The following EPG5 variants were observed in gnomAD, a reference collection of about 807,000 sequenced individuals.
The protein encoded by EPG5 is ectopic P-granules 5 autophagy tethering factor, also known as ectopic P granules protein 5 homolog.
A neutral mutation model predicts 302.7 loss-of-function variants in EPG5; 159 were observed. The ratio of observed to expected loss-of-function variants is 0.53; its 90% CI spans 0.46 to 0.60. The LOEUF is 0.60. Ranked by LOEUF, EPG5 falls within the 20% of genes least tolerant of loss-of-function variation. The pLI is 0.00. For missense variants in EPG5, 2,896 were observed against 3,092.4 expected, an observed-to-expected ratio of 0.94 and a Z score of 1.51; for synonymous variants, 1,158 against 1,136.8, an observed-to-expected ratio of 1.02 and a Z score of -0.37.
the EPG5 span, among the ~76,000 whole-genome samples, chr18:45,836,061 G>A: frequency 1.3e-5 from 2 of 152,230 alleles, no homozygotes; most frequent in African/African-American, 4.8e-5. Context: ...CCCGACCTGT[G>A]ATTATTCATA....
the EPG5 span, among the ~76,000 whole-genome samples, chr18:45,813,294 A>C: frequency 6.6e-6 from 1 of 152,210 alleles, no homozygotes; most frequent in Non-Finnish European, 1.5e-5. Flanking sequence ...GTGGAGAAAT[A>C]GGAACACTTT....
chr18:45,885,200 G>T (rs920508959), intron 29 of EPG5, among the ~76,000 whole-genome samples: 1 of 152,054 alleles, frequency 6.6e-6, no homozygotes, highest in African/African-American at 2.4e-5. Context: ...TTAGCTGGGC[G>T]TGGTGGTGGG....
downstream of EPG5, among the ~76,000 whole-genome samples, chr18:45,845,934 G>T (rs1249949634): frequency 1.3e-5 from 2 of 152,210 alleles, no homozygotes; most frequent in African/African-American, 4.8e-5. Flanking sequence ...CCACCCAGGG[G>T]ATAATCTATG....
the EPG5 span, among the ~76,000 whole-genome samples, chr18:45,829,452 T>C: frequency 6.6e-6 from 1 of 152,124 alleles, no homozygotes; most frequent in East Asian, 1.9e-4. Context: ...CAGAGAAAGA[T>C]TTGCAGGGAG....
At chr18:45,852,758 G>A (rs1009401405) in intron 43 of EPG5, 109 bp from the exon 44 acceptor site, 1 of 991,986 alleles carries the variant, frequency 1.0e-6, no homozygotes. Context: ...GAGCCTTGTG[G>A]GAAGGAGGCC....
At chr18:45,814,030 T>C in the EPG5 span, among the ~76,000 whole-genome samples, 3 of 152,190 alleles carry the variant, frequency 2.0e-5, no homozygotes, top group African/African-American at 4.8e-5. Flanking sequence ...GTTATCTACA[T>C]ATTCTCTGAG....
chr18:45,902,836 T>C (rs1026216413), intron 25 of EPG5, among the ~76,000 whole-genome samples: 3 of 152,232 alleles, frequency 2.0e-5, no homozygotes, highest in African/African-American at 7.2e-5. Context: ...TAACCAGCTA[T>C]GTGGCCCATG....
chr18:45,918,119 G>A (rs888347975), intron 16 of EPG5, among the ~76,000 whole-genome samples: 11 of 152,144 alleles, frequency 7.2e-5, no homozygotes, highest in African/African-American at 2.7e-4. Context: ...AATCCAGAGT[G>A]CTCTCTACTA....
chr18:45,917,151 A>G (rs73436049), intron 17 of EPG5, among the ~76,000 whole-genome samples: 50 of 152,234 alleles, frequency 3.3e-4, no homozygotes, highest in African/African-American at 1.1e-3. Flanking sequence ...TCATGTCCCC[A>G]CTGTACAGGG....
intron 3 of EPG5, 64 bp from the exon 4 acceptor site, chr18:45,951,302 C>A: frequency 8.2e-7 from 1 of 1,225,976 alleles, no homozygotes; most frequent in South Asian, 2.7e-5. Flanking sequence ...TTTTTAGTGT[C>A]TTCACTTAAA....
At chr18:45,941,442 G>A (rs1194165639) in intron 9 of EPG5, among the ~76,000 whole-genome samples, 1 of 152,178 alleles carries the variant, frequency 6.6e-6, no homozygotes, top group Non-Finnish European at 1.5e-5. Flanking sequence ...AGTGAGGATG[G>A]AGGAATAAAA....
chr18:45,817,966 C>T, the EPG5 span, among the ~76,000 whole-genome samples: 2 of 152,168 alleles, frequency 1.3e-5, no homozygotes, highest in African/African-American at 2.4e-5. Flanking sequence ...TTCATTGTTT[C>T]TTCTGAGTCT....
At chr18:45,929,720 G>A (rs1304675100) in intron 12 of EPG5, among the ~76,000 whole-genome samples, 1 of 152,178 alleles carries the variant, frequency 6.6e-6, no homozygotes, top group Non-Finnish European at 1.5e-5. Context: ...CTTAATGTCT[G>A]TGAAAATATG....
At chr18:45,900,675 A>T (rs2049593725) in intron 26 of EPG5, among the ~76,000 whole-genome samples, 1 of 152,216 alleles carries the variant, frequency 6.6e-6, no homozygotes, top group South Asian at 2.1e-4. Context: ...CTCTTACTTC[A>T]CACCTTTCCA....
chr18:45,826,910 G>C, the EPG5 span, among the ~76,000 whole-genome samples: 2 of 152,028 alleles, frequency 1.3e-5, no homozygotes, highest in Non-Finnish European at 2.9e-5. Flanking sequence ...AAGGAACTCT[G>C]TTTGTTTGTT....
At chr18:45,840,399 C>T in the EPG5 span, among the ~76,000 whole-genome samples, 1 of 152,106 alleles carries the variant, frequency 6.6e-6, no homozygotes, top group Non-Finnish European at 1.5e-5. Flanking sequence ...CCAAGGCACC[C>T]CTCTTGCAGC....
At chr18:45,830,688 C>T in the EPG5 span, among the ~76,000 whole-genome samples, 5 of 137,422 alleles carry the variant, frequency 3.6e-5, no homozygotes, top group East Asian at 9.8e-4. Flanking sequence ...CAGGTTCAAG[C>T]GAGTCTCCTG....
At chr18:45,951,069 C>A in intron 4 of EPG5, 33 bp downstream of exon 4, 2 of 1,447,690 alleles carry the variant, frequency 1.4e-6, no homozygotes. Context: ...AGAAATAAAA[C>A]AAAGACTACT....
At chr18:45,838,084 C>T in the EPG5 span, among the ~76,000 whole-genome samples, 1 of 152,194 alleles carries the variant, frequency 6.6e-6, no homozygotes, top group Non-Finnish European at 1.5e-5. Context: ...GACACAAATG[C>T]AGAATCCAGG....
Sources: allele counts gnomAD v4.1 joint callset (sites outside exome capture counted in the v4.1 genomes callset), GRCh38; gene constraint gnomAD v4.1.1; transcripts MANE v1.5; gene names NCBI Gene and HGNC (gene_info 2026-07-23, HGNC 2026-07-21).